Variants in NALCN observed in about 807,000 individuals in gnomAD.
NALCN encodes sodium leak channel, non-selective.
In NALCN, 111 loss-of-function variants were observed where a neutral mutation model predicts 225.3. The observed-to-expected ratio is 0.49, with a 90% CI of 0.42 to 0.58. NALCN has a LOEUF of 0.58. Among genes scored for constraint, NALCN ranks in the 20% least tolerant of loss-of-function variants. NALCN has a pLI of 0.00. For synonymous variants in NALCN, 764 were observed against 769.0 expected (o/e 0.99, Z 0.11); for missense variants, 1,378 against 2,202.4 (o/e 0.63, Z 7.49).
intron 17 of NALCN, among the ~76,000 whole-genome samples, chr13:101,134,621 G>A (rs568006923): frequency 3.9e-5 from 6 of 152,278 alleles, no homozygotes; most frequent in Non-Finnish European, 7.3e-5. Flanking sequence ...ATTACAAAGA[G>A]GGACTGCTTA....
At chr13:101,139,739 G>A (rs1236417087) in intron 17 of NALCN, among the ~76,000 whole-genome samples, 1 of 152,164 alleles carries the variant, frequency 6.6e-6, no homozygotes, top group Non-Finnish European at 1.5e-5. Flanking sequence ...ACTAATGGTG[G>A]TAGGGTCTGT....
Position 101,070,063 on chromosome 13 carries a change from G to GTTTTTTTTTTTTT in NALCN, c.4198-1249_4198-1237dup, listed in dbSNP as rs71121162. On this transcript the variant is annotated intron_variant, in intron 37 of 43. Coordinates refer to ENST00000251127, the MANE Select transcript of NALCN (RefSeq NM_052867.4). ...TGACCTCCTTCCATGAATCATGAAT[G>GTTTTTTTTTTTTT]TTTTTTTTTTTTTTTTTTTTTGAGA... 2.2e-4 allele frequency among the ~76,000 whole-genome samples: 22 copies of GTTTTTTTTTTTTT among 98,310 alleles called. 1 individual carries two copies. The highest frequency in any genetic ancestry group is 3.8e-4 in the South Asian group (1 of 2,660). 64.5% of individuals were successfully genotyped at this position (98,310 alleles called of 152,430 possible).
At chr13:101,101,279 T>TTA (rs2034800560) in intron 26 of NALCN, among the ~76,000 whole-genome samples, 2 of 102,104 alleles carry the variant, frequency 2.0e-5, no homozygotes, top group South Asian at 3.6e-4. Context: ...TTATTTTTTT[T>TTA]TCTTTTTTTT....
intron 6 of NALCN, among the ~76,000 whole-genome samples, chr13:101,363,192 T>G (rs946479955): frequency 6.6e-6 from 1 of 152,034 alleles, no homozygotes; most frequent in African/African-American, 2.4e-5. Context: ...CAATGCAATC[T>G]CTATCAAAAT....
At chr13:101,396,578 A>T (rs1033952203) in intron 2 of NALCN, among the ~76,000 whole-genome samples, 2 of 152,130 alleles carry the variant, frequency 1.3e-5, no homozygotes, top group Non-Finnish European at 2.9e-5. Flanking sequence ...TAATATTTAC[A>T]TGAAGATATT....
intron 15 of NALCN, among the ~76,000 whole-genome samples, chr13:101,148,112 A>G (rs2037451667): frequency 6.6e-6 from 1 of 152,138 alleles, no homozygotes; most frequent in Non-Finnish European, 1.5e-5. Context: ...AATCCACAAT[A>G]CATTAGTTTC....
At chr13:101,400,592 C>T (rs1340739214) in intron 1 of NALCN, among the ~76,000 whole-genome samples, 16 of 140,592 alleles carry the variant, frequency 1.1e-4, no homozygotes, top group South Asian at 4.5e-4. Context: ...CACGTGTGTG[C>T]GCGCGCACAC....
At chr13:101,386,230 C>T (rs2046982397) in intron 3 of NALCN, among the ~76,000 whole-genome samples, 2 of 152,022 alleles carry the variant, frequency 1.3e-5, no homozygotes, top group Admixed American at 6.6e-5. Context: ...GTCGAGCTCC[C>T]CTAATACATT....
chr13:101,126,864 C>T (rs1275862560), intron 17 of NALCN, among the ~76,000 whole-genome samples: 1 of 152,132 alleles, frequency 6.6e-6, no homozygotes, highest in African/African-American at 2.4e-5. Context: ...CTGCTTGGAG[C>T]CGCTTTTGGA....
chr13:101,401,598 G>A (rs959150965), intron 1 of NALCN, among the ~76,000 whole-genome samples: 1 of 152,092 alleles, frequency 6.6e-6, no homozygotes, highest in African/African-American at 2.4e-5. Context: ...TTTTGATTAT[G>A]GATTTGTTTA....
intron 6 of NALCN, among the ~76,000 whole-genome samples, chr13:101,347,017 CCTT>C (rs2045760596): frequency 6.6e-6 from 1 of 151,958 alleles, no homozygotes; most frequent in Admixed American, 6.6e-5. Context: ...TTCTTTAATA[CCTT>C]CTTATGTTCA....
chr13:101,379,574 A>C (rs2046789087), intron 3 of NALCN, among the ~76,000 whole-genome samples: 1 of 150,744 alleles, frequency 6.6e-6, no homozygotes, highest in Admixed American at 6.7e-5. Flanking sequence ...AGGGACATGG[A>C]TGAAGCTGGA....
At chr13:101,401,030 C>A (rs920735337) in intron 1 of NALCN, among the ~76,000 whole-genome samples, 1 of 152,164 alleles carries the variant, frequency 6.6e-6, no homozygotes, top group South Asian at 2.1e-4. Flanking sequence ...GTCAATTAAA[C>A]CTCTTTCCTT....
intron 7 of NALCN, among the ~76,000 whole-genome samples, chr13:101,294,545 C>T (rs1186141539): frequency 1.4e-5 from 2 of 143,478 alleles, no homozygotes; most frequent in South Asian, 2.2e-4. Context: ...ATTATAATGG[C>T]TAAGTTTATT....
intron 11 of NALCN, among the ~76,000 whole-genome samples, chr13:101,256,711 C>T (rs1360676751): frequency 6.6e-6 from 1 of 151,864 alleles, no homozygotes; most frequent in Non-Finnish European, 1.5e-5. Flanking sequence ...ATTGTTCTTT[C>T]CCTGTGTTAG....
At chr13:101,233,339 AT>A (rs35072635) in intron 12 of NALCN, among the ~76,000 whole-genome samples, 411 of 139,784 alleles carry the variant, frequency 2.9e-3, no homozygotes, top group Non-Finnish European at 2.8e-3. Context: ...CTTGGGAAGA[AT>A]TTTTTTTTTT....
intron 18 of NALCN, among the ~76,000 whole-genome samples, chr13:101,114,674 T>C (rs1186745363): frequency 6.6e-6 from 1 of 152,164 alleles, no homozygotes; most frequent in Non-Finnish European, 1.5e-5. Context: ...GAGAGAGACA[T>C]GACTAAGGGA....
At chr13:101,085,139 C>A (rs2033868504) in intron 30 of NALCN, among the ~76,000 whole-genome samples, 2 of 152,044 alleles carry the variant, frequency 1.3e-5, no homozygotes, top group Admixed American at 1.3e-4. Flanking sequence ...TTGATATTTA[C>A]TTTTTAATGG....
intron 13 of NALCN, among the ~76,000 whole-genome samples, chr13:101,208,036 C>T (rs2040384585): frequency 6.6e-6 from 1 of 152,018 alleles, no homozygotes; most frequent in Non-Finnish European, 1.5e-5. Flanking sequence ...TGCAGCGTCA[C>T]TCCTGAAGCC....
Sources: gnomAD v4.1 joint callset for allele counts (sites outside exome capture counted in the v4.1 genomes callset) on GRCh38, gnomAD v4.1.1 for gene constraint, MANE v1.5 for transcripts, NCBI Gene and HGNC (gene_info 2026-07-23, HGNC 2026-07-21) for gene names.